DNAH10: variants seen among roughly 807,000 people sequenced by gnomAD.
The protein encoded by DNAH10 is dynein axonemal heavy chain 10.
Under a neutral mutation model 506.6 loss-of-function variants are expected in DNAH10, and 348 were observed. The ratio of observed to expected loss-of-function variants is 0.69; its 90% CI spans 0.63 to 0.75. The LOEUF (loss-of-function observed/expected upper bound fraction) is 0.75. Among genes scored for constraint, DNAH10 ranks in the 30% least tolerant of loss-of-function variants. The probability of loss-of-function intolerance (pLI) is 0.00; values close to 1 mark genes in which losing one functional copy is unlikely to be tolerated. For missense variants in DNAH10, 5,179 were observed against 5,787.1 expected (o/e 0.89, Z 3.41); for synonymous variants, 2,059 against 2,198.6 (o/e 0.94, Z 1.78).
In DNAH10 at chr12:123,917,535, CTG is replaced by C. The variant is rs1954535467; in HGVS notation, c.11003-47_11003-46del. On this transcript the variant is annotated intron_variant, in intron 63 of 78. Coordinates refer to ENST00000673944, the MANE Select transcript of DNAH10 (RefSeq NM_001372106.1). The surrounding 1 kb of genome is among the most constrained non-coding windows in gnomAD (Gnocchi z 5.6). ...CGTCACAGCAGGGCAGCGGGAGAGA[CTG>C]TTGTTGGGGGCCGCAGGTGGTGAGG... is the stretch of plus-strand genomic sequence containing the variant. 2.6e-6 allele frequency: 4 copies of C among 1,528,118 alleles called. No homozygotes were observed. The highest frequency in any genetic ancestry group is 1.4e-5 in the African/African-American group (1 of 72,744). The allele number at this position is 1,528,118 out of a possible 1,614,324, so 94.7% of individuals were successfully genotyped here.
intron 29 of DNAH10, 76 bp from the exon 30 acceptor site, chr12:123,841,246 G>A: frequency 6.7e-7 from 1 of 1,489,244 alleles, no homozygotes; most frequent in South Asian, 1.1e-5. Context: ...AGCTCTGCTG[G>A]ATGGAGCACC....
Position 123,769,698 on chromosome 12 carries a change from A to G in DNAH10, c.299-1903A>G, listed in dbSNP as rs535281074. ...CTTCTTTTCTTTTTATGGTGGTAAA[A>G]TGGATGTCACTTTTACCATTTTTAC... On this transcript the variant is annotated intron_variant, in intron 2 of 78. Coordinates refer to ENST00000673944, the MANE Select transcript of DNAH10 (RefSeq NM_001372106.1). Among the ~76,000 whole-genome samples the G allele has an allele frequency of 3.8e-4, 58 of 152,236 alleles. 1 individual carries two copies. The highest frequency in any genetic ancestry group is 1.3e-3 in the African/African-American group (55 of 41,546).
At chr12:123,848,193 G>A (rs755234414) in intron 33 of DNAH10, 98 bp downstream of exon 33, 149 of 1,499,512 alleles carry the variant, frequency 9.9e-5, no homozygotes, top group Non-Finnish European at 1.3e-4. Flanking sequence ...TGGCGACAGT[G>A]GAAGAAGCTA....
At position 123,880,824 on chromosome 12, in the gene DNAH10, T is replaced by C. The variant is rs1315354603; in HGVS notation, c.8635-801T>C. On this transcript the variant is annotated intron_variant, in intron 50 of 78. Coordinates refer to ENST00000673944, the MANE Select transcript of DNAH10 (RefSeq NM_001372106.1). ...CCTCCCCCCACCCCACAACAGGCCC[T>C]GGTGTGTGATGTTCCCCTTCCTGTG... Among the ~76,000 whole-genome samples the C allele has an allele frequency of 3.4e-3, 350 of 103,430 alleles. 3 individuals carry two copies. The highest frequency in any genetic ancestry group is 0.013 in the African/African-American group (334 of 26,106). 67.9% of individuals were successfully genotyped at this position (103,430 alleles called of 152,430 possible).
intron 6 of DNAH10, among the ~76,000 whole-genome samples, chr12:123,782,411 C>CTTT (rs935250437): frequency 1.9e-4 from 16 of 86,070 alleles, no homozygotes; most frequent in Admixed American, 4.5e-4. Context: ...TTCTTTCTTT[C>CTTT]TTTTTTTTTT....
At chr12:123,858,918 G>A (rs1278514749) in intron 37 of DNAH10, among the ~76,000 whole-genome samples, 1 of 152,202 alleles carries the variant, frequency 6.6e-6, no homozygotes, top group Non-Finnish European at 1.5e-5. Flanking sequence ...GTTGCCAGGG[G>A]CTGGGGGAAA....
In DNAH10 at chr12:123,866,009, TG is replaced by T. The variant is rs1237277145; in HGVS notation, c.7105del (p.Asp2369IlefsTer5). ...GTCTCTCGATGTGGAATGGTTTATG[TG>T]GATCCTAAAAACTTGAAATATCGAC... is the stretch of plus-strand genomic sequence containing the variant. ...ATVSRCGMVY[V>X]DPKNLKYRPY... is the part of the protein sequence containing the mutation. On this transcript the variant is annotated frameshift_variant, in exon 41 of 79. Transcript: ENST00000673944. LOFTEE classifies it high-confidence loss of function. 6.2e-7 allele frequency: 1 copy of T among 1,612,776 alleles called. No individual in the cohort carries two copies. The highest frequency in any genetic ancestry group is 8.5e-7 in the Non-Finnish European group (1 of 1,179,598).
chr12:123,857,777 A>C (rs1200622525), intron 37 of DNAH10, among the ~76,000 whole-genome samples: 2 of 152,240 alleles, frequency 1.3e-5, no homozygotes, highest in Admixed American at 1.3e-4. Flanking sequence ...TGCTAAGTAC[A>C]TTCACATTAC....
rs73424836 is a variant in DNAH10, at chr12:123,914,366, G to C, written c.10390G>C (p.Val3464Leu). 5,678 of 1,613,312 alleles carry C rather than the reference G, an allele frequency of 3.5e-3. 102 individuals carry two copies. The African/African-American group carries it at 0.051, about 15-fold the overall frequency. The change falls in exon 61 of 79, where the codon GTG (valine) becomes CTG (leucine). Residue 3464 changes from valine to leucine, a missense_variant. Physicochemically the swap from Val to Leu is conservative, Grantham distance 32. Coordinates refer to ENST00000673944, the MANE Select transcript of DNAH10 (RefSeq NM_001372106.1). Reference protein sequence around the residue: ...NDLDELMHRRVKLLGDCLLCA... With the variant: ...NDLDELMHRRLKLLGDCLLCA... ...CCTGGATGAGCTGATGCACCGGCGC[G>C]TGAAGCTGCTGGGGGACTGCCTGCT... is the stretch of plus-strand genomic sequence containing the variant.
intron 7 of DNAH10, 58 bp from the exon 8 acceptor site, chr12:123,783,889 T>A (rs1465110580): frequency 4.0e-6 from 6 of 1,482,822 alleles, no homozygotes; most frequent in Non-Finnish European, 5.6e-6. Flanking sequence ...GAAACCACCA[T>A]AAGTGTCTGC....
chr12:123,807,902 G>GA (rs1958755126), intron 18 of DNAH10, among the ~76,000 whole-genome samples: 1 of 143,092 alleles, frequency 7.0e-6, no homozygotes, highest in Non-Finnish European at 1.6e-5. Flanking sequence ...GGTGAAGAGA[G>GA]AGGGGAGAGA....
At position 123,846,804 on chromosome 12, in the gene DNAH10, C is replaced by A. The variant is rs1950965277; in HGVS notation, c.5814+650C>A. 6.6e-6 allele frequency among the ~76,000 whole-genome samples: 1 copy of A among 152,044 alleles called. No homozygotes were observed. The highest frequency in any genetic ancestry group is 2.4e-5 in the African/African-American group (1 of 41,394). On this transcript the variant is annotated intron_variant, in intron 32 of 78. Coordinates refer to ENST00000673944, the MANE Select transcript of DNAH10 (RefSeq NM_001372106.1). The surrounding 1 kb of genome is among the most constrained non-coding windows in gnomAD (Gnocchi z 4.5). ...TGCTGCACCTGGCTACATTGGTGGT[C>A]TCTTAGGCTCACAGTTTCTCAGCTG...
intron 28 of DNAH10, among the ~76,000 whole-genome samples, chr12:123,837,237 G>A (rs1169446486): frequency 2.0e-5 from 3 of 150,704 alleles, no homozygotes; most frequent in Admixed American, 1.3e-4. Flanking sequence ...CCAGCTACTC[G>A]GGAGGCTGAG....
chr12:123,907,090 C>T lies in DNAH10; in HGVS notation c.9816-2171C>T, dbSNP rs1206330644. 2.0e-5 allele frequency among the ~76,000 whole-genome samples: 3 copies of T among 152,350 alleles called. No individual in the cohort carries two copies. The highest frequency in any genetic ancestry group is 3.9e-4 in the East Asian group (2 of 5,188). Reference sequence around the variant, plus strand: ...AGTGAGGCAGGCAGGGTCTTCACTGCGTGGCGCTGACACTCTGTTTTCCTA... The same window carrying T: ...AGTGAGGCAGGCAGGGTCTTCACTGTGTGGCGCTGACACTCTGTTTTCCTA... On this transcript the variant is annotated intron_variant, in intron 57 of 78. Coordinates refer to ENST00000673944, the MANE Select transcript of DNAH10 (RefSeq NM_001372106.1). The surrounding 1 kb of genome is among the most constrained non-coding windows in gnomAD (Gnocchi z 4.4).
At chr12:123,890,439 T>TAA (rs1272003377) in intron 52 of DNAH10, among the ~76,000 whole-genome samples, 3 of 140,280 alleles carry the variant, frequency 2.1e-5, no homozygotes, top group Non-Finnish European at 3.1e-5. Context: ...ACCAGCTGAT[T>TAA]AAAAAAAAAA....
In DNAH10 at chr12:123,772,841, C is replaced by T. The variant is rs201974470; in HGVS notation, c.404C>T (p.Ala135Val). The change falls in exon 4 of 79, where the codon GCG becomes GTG. Residue 135 changes from alanine (A) to valine (V), a missense_variant. Transcript: ENST00000673944. ...ISEKLPSKRT[A>V]KHIMEKMHLH... Reference sequence around the variant, plus strand: ...TTGTTCCCCATGTTTCAGAGAACTGCGAAGCACATCATGGAAAAGATGCAT... The same window carrying T: ...TTGTTCCCCATGTTTCAGAGAACTGTGAAGCACATCATGGAAAAGATGCAT... 270 of 1,602,918 alleles carry T rather than the reference C, an allele frequency of 1.7e-4. No homozygotes were observed. Among genetic ancestry groups the T allele is most frequent in the Non-Finnish European group, 2.1e-4 (250 of 1,175,272 alleles).
chr12:123,813,683 G>C, intron 20 of DNAH10, 43 bp downstream of exon 20: 1 of 1,613,014 alleles, frequency 6.2e-7, no homozygotes, highest in Non-Finnish European at 8.5e-7. Context: ...TTTCGTGTAA[G>C]TTGGGTCTTC....
At chr12:123,815,776 A>G (rs989344868) in intron 21 of DNAH10, among the ~76,000 whole-genome samples, 7 of 152,266 alleles carry the variant, frequency 4.6e-5, no homozygotes, top group Non-Finnish European at 7.3e-5. Context: ...GTACTTATAC[A>G]AATCTAGATG....
rs768718118 is a variant in DNAH10 at position 123,931,425 on chromosome 12, C to T, written c.12869C>T (p.Ala4290Val). The T allele has an allele frequency of 2.5e-5, 40 of 1,613,950 alleles. No individual in the cohort carries two copies. The highest frequency in any genetic ancestry group is 5.0e-5 in the Admixed American group (3 of 60,024). The change falls in exon 74 of 79, where the codon GCG (alanine) becomes GTG (valine). Residue 4290 changes from alanine to valine, a missense_variant. Around this residue, in one of 3 missense-constraint regions of DNAH10, gnomAD observed 4,844 missense variants for 5,430.5 expected, o/e 0.89. Transcript: ENST00000673944. ...GCTGAGATTGGCTATTACACGCAGG[C>T]GGCTCGAGACATGTGGGCTCACCTG... ...PNAEIGYYTQAARDMWAHLLE... is the reference protein window; with the variant it reads ...PNAEIGYYTQVARDMWAHLLE...
Sources: gnomAD v4.1 joint callset for allele counts (sites outside exome capture counted in the v4.1 genomes callset) on GRCh38, gnomAD v4.1.1 for gene constraint, gnomAD v4.1.1 regional missense constraint, Gnocchi (gnomAD v3.1) non-coding constraint, MANE v1.5 for transcripts, NCBI Gene and HGNC (gene_info 2026-07-23, HGNC 2026-07-21) for gene names.